Variants in POLR1A observed in about 807,000 individuals in gnomAD.
POLR1A encodes the protein RNA polymerase I subunit A, also known as DNA-directed RNA polymerase I subunit RPA1.
Under a neutral mutation model 205.3 loss-of-function variants are expected in POLR1A, and 84 were observed. The observed-to-expected ratio is 0.41, with a 90% CI of 0.34 to 0.49. The LOEUF (loss-of-function observed/expected upper bound fraction) is 0.49, where lower values mean the gene tolerates loss of function less well. Among genes scored for constraint, POLR1A ranks in the 20% least tolerant of loss-of-function variants. POLR1A has a pLI of 0.22. For synonymous variants in POLR1A, 799 were observed against 863.7 expected, an observed-to-expected ratio of 0.93 and a Z score of 1.31; for missense variants, 1,645 against 2,204.5, an observed-to-expected ratio of 0.75 and a Z score of 5.08.
intron 2 of POLR1A, 79 bp from the exon 3 acceptor site, chr2:86,098,839 T>C: frequency 7.5e-7 from 1 of 1,340,146 alleles, no homozygotes; most frequent in Non-Finnish European, 1.1e-6. Context: ...TACTCACAAG[T>C]TTCTTTATGT....
At chr2:86,098,919 C>T (rs1573838339) in intron 2 of POLR1A, among the ~76,000 whole-genome samples, 159 bp from the exon 3 acceptor site, 1 of 152,240 alleles carries the variant, frequency 6.6e-6, no homozygotes, top group African/African-American at 2.4e-5. Flanking sequence ...ATCTTAAGAA[C>T]CAGATAAATA....
intron 9 of POLR1A, among the ~76,000 whole-genome samples, chr2:86,078,962 C>T (rs555850542): frequency 6.6e-6 from 1 of 152,286 alleles, no homozygotes; most frequent in Non-Finnish European, 1.5e-5. Flanking sequence ...TGGCTTAGAG[C>T]ACCACCTATT....
chr2:86,096,786 A>G (rs758447494), intron 3 of POLR1A, among the ~76,000 whole-genome samples: 6 of 152,208 alleles, frequency 3.9e-5, no homozygotes, highest in Non-Finnish European at 7.4e-5. Context: ...AAATTGATCA[A>G]TGACCTAAAT....
chr2:86,046,038 T>C (rs1003959994), intron 19 of POLR1A, among the ~76,000 whole-genome samples: 1 of 142,564 alleles, frequency 7.0e-6, no homozygotes, highest in African/African-American at 3.1e-5. Context: ...CTCAGAACCA[T>C]CTCATGTTAT....
chr2:86,083,972 A>T (rs1673449508), intron 6 of POLR1A, among the ~76,000 whole-genome samples: 1 of 152,144 alleles, frequency 6.6e-6, no homozygotes, highest in African/African-American at 2.4e-5. Flanking sequence ...ATTTAAGATG[A>T]TTACCTAAGA....
chr2:86,044,107 C>A, intron 22 of POLR1A, 32 bp downstream of exon 22: 1 of 1,608,830 alleles, frequency 6.2e-7, no homozygotes, highest in Non-Finnish European at 8.5e-7. Flanking sequence ...GCCTACTGCT[C>A]GGCCCCCAGG....
At chr2:86,059,244 T>G (rs936785714) in intron 14 of POLR1A, among the ~76,000 whole-genome samples, 2 of 152,226 alleles carry the variant, frequency 1.3e-5, no homozygotes, top group Non-Finnish European at 2.9e-5. Flanking sequence ...TTTGTCAGCA[T>G]AGCCTATGAA....
At chr2:86,087,498 C>A (rs1382935047) in intron 6 of POLR1A, among the ~76,000 whole-genome samples, 1 of 152,200 alleles carries the variant, frequency 6.6e-6, no homozygotes, top group African/African-American at 2.4e-5. Flanking sequence ...CTTCTATCTG[C>A]CACTCAGAAA....
At chr2:86,102,997 T>A (rs1212368516) in intron 1 of POLR1A, among the ~76,000 whole-genome samples, 1 of 152,208 alleles carries the variant, frequency 6.6e-6, no homozygotes. Context: ...ACTCAACAAA[T>A]ACCCAGAGTG....
chr2:86,105,005 G>C (rs934921954), intron 1 of POLR1A, among the ~76,000 whole-genome samples: 3 of 152,222 alleles, frequency 2.0e-5, no homozygotes, highest in African/African-American at 7.2e-5. Flanking sequence ...GGAGTAAAAT[G>C]AGGTACAGAC....
intron 26 of POLR1A, among the ~76,000 whole-genome samples, chr2:86,039,120 G>A (rs1178688551): frequency 3.9e-5 from 6 of 152,126 alleles, no homozygotes; most frequent in Non-Finnish European, 7.4e-5. Context: ...TTATTTTTCA[G>A]GCACAGGAGG....
At chr2:86,055,540 C>A (rs188599865) in intron 14 of POLR1A, among the ~76,000 whole-genome samples, 1 of 152,186 alleles carries the variant, frequency 6.6e-6, no homozygotes, top group Non-Finnish European at 1.5e-5. Context: ...AGTGACACGT[C>A]CTGGGGTGCC....
chr2:86,022,526 G>C lies in POLR1A; in HGVS notation c.*4897C>G, dbSNP rs529651244. The C allele has an allele frequency of 6.6e-6, 1 of 152,180 alleles. No homozygotes were observed. The highest frequency in any genetic ancestry group is 1.9e-4 in the East Asian group (1 of 5,200). 9.4% of individuals were successfully genotyped at this position (152,180 alleles called of 1,614,324 possible). A position where few individuals can be genotyped will look rare whatever the true frequency, so the allele number is the denominator to read the frequency against. ...ATTCCGCTGCACCTTAGACTCTCTT[G>C]AAGATTTTCTAATGCCTAGGCCACA... On this transcript the variant is annotated 3_prime_UTR_variant, in exon 34 of 34. Transcript: ENST00000263857.
chr2:86,103,280 G>T (rs1673855241), intron 1 of POLR1A, among the ~76,000 whole-genome samples: 1 of 152,174 alleles, frequency 6.6e-6, no homozygotes, highest in Admixed American at 6.5e-5. Context: ...TTTACAGGAG[G>T]AAGAAGCAGG....
chr2:86,041,210 CTG>C (rs67036891), intron 24 of POLR1A, among the ~76,000 whole-genome samples: 56,906 of 114,332 alleles, frequency 0.5, 13,850 homozygotes, highest in Non-Finnish European at 0.6. Flanking sequence ...GCTACAGTGT[CTG>C]TGTGTGTGTG....
chr2:86,088,923 C>A (rs1673554110), intron 4 of POLR1A, 53 bp from the exon 5 acceptor site: 1 of 1,269,056 alleles, frequency 7.9e-7, no homozygotes, highest in South Asian at 1.2e-5. Context: ...TGAAGAGAAT[C>A]CAATATATTT....
At chr2:86,081,129 C>T in intron 8 of POLR1A, 151 bp from the exon 9 acceptor site, 1 of 713,542 alleles carries the variant, frequency 1.4e-6, no homozygotes, top group Non-Finnish European at 2.3e-6. Context: ...GGTGTGGTGG[C>T]TTAAGCCTGT....
At chr2:86,061,569 A>G (rs1425188308) in intron 14 of POLR1A, among the ~76,000 whole-genome samples, 2 of 152,276 alleles carry the variant, frequency 1.3e-5, no homozygotes, top group Non-Finnish European at 2.9e-5. Flanking sequence ...GATACACACG[A>G]CAAGTGTTCA....
Position 86,048,987 on chromosome 2 carries a change from C to T in POLR1A, c.2531G>A (p.Gly844Glu). ...GCCCAGATGGGCATCCTGCCATTTTCCTCGGACCTCATCATATGATGCGGC... is the reference window on the plus strand; with the variant it reads ...GCCCAGATGGGCATCCTGCCATTTTTCTCGGACCTCATCATATGATGCGGC... ...PEAASYDEVR[G>E]KWQDAHLGKD... Residue 844 changes from glycine (G) to glutamate (E), a missense_variant, in exon 18 of 34, where the codon GGA becomes GAA. By Grantham distance (98) the Gly-to-Glu change is moderately conservative (BLOSUM62 -2). Transcript: ENST00000263857. 6.2e-7 allele frequency: 1 copy of T among 1,614,214 alleles called. No homozygotes were observed. The highest frequency in any genetic ancestry group is 8.5e-7 in the Non-Finnish European group (1 of 1,180,000).
Sources: allele counts gnomAD v4.1 joint callset (sites outside exome capture counted in the v4.1 genomes callset), GRCh38; gene constraint gnomAD v4.1.1; transcripts MANE v1.5; gene names NCBI Gene and HGNC (gene_info 2026-07-23, HGNC 2026-07-21).